Variants in ANKLE2 observed in about 807,000 individuals in gnomAD.
ANKLE2 encodes the protein ankyrin repeat and LEM domain-containing protein 2.
In ANKLE2, 55 loss-of-function variants were observed where a neutral mutation model predicts 84.2. The ratio of observed to expected loss-of-function variants is 0.65; its 90% CI spans 0.53 to 0.82. The LOEUF (loss-of-function observed/expected upper bound fraction) is 0.82, where lower values mean the gene tolerates loss of function less well. Ranked by LOEUF, ANKLE2 falls within the 40% of genes least tolerant of loss-of-function variation. The pLI, the probability that ANKLE2 is intolerant of heterozygous loss-of-function variation, is 0.00. For synonymous variants in ANKLE2, 551 were observed against 486.1 expected, an observed-to-expected ratio of 1.13 and a Z score of -1.76; for missense variants, 1,238 against 1,201.9, an observed-to-expected ratio of 1.03 and a Z score of -0.44.
Position 132,729,738 on chromosome 12 carries a change from G to A in ANKLE2, c.2424C>T (p.Pro808=). ...TGACCTCGAGCTGATCCTCGTGCCT[G>A]GGGCTGCTGGGACTCAAGGACATTT... The part of the protein sequence containing the change: ...IAKMSLSPSS[P]RHEDQLEVTR... Residue 808 remains proline, a synonymous_variant, in exon 11 of 13, where the codon CCC becomes CCT. Transcript: ENST00000357997. The A allele has an allele frequency of 6.2e-7, 1 of 1,611,296 alleles. No homozygotes were observed. The highest frequency in any genetic ancestry group is 8.5e-7 in the Non-Finnish European group (1 of 1,179,448).
intron 2 of ANKLE2, among the ~76,000 whole-genome samples, chr12:132,751,654 C>T (rs953850572): frequency 6.6e-6 from 1 of 151,862 alleles, no homozygotes; most frequent in Non-Finnish European, 1.5e-5. Context: ...GCGATTCTCC[C>T]GTCTCAGCCT....
chr12:132,735,267 G>A, intron 9 of ANKLE2, 139 bp downstream of exon 9: 1 of 776,260 alleles, frequency 1.3e-6, no homozygotes, highest in Middle Eastern at 3.0e-4. Flanking sequence ...CAAGGAATTA[G>A]ACCTTCACGA....
At chr12:132,751,541 G>A (rs1220545656) in intron 2 of ANKLE2, among the ~76,000 whole-genome samples, 1 of 151,684 alleles carries the variant, frequency 6.6e-6, no homozygotes, top group Non-Finnish European at 1.5e-5. Context: ...GCGCCCAGCC[G>A]GGAATGGCTG....
At chr12:132,758,417 T>G (rs2044529754) in intron 1 of ANKLE2, 1 of 151,720 alleles carries the variant, frequency 6.6e-6, no homozygotes, top group Non-Finnish European at 1.5e-5. Flanking sequence ...CCCGCGGACG[T>G]CGCATTGAAA....
At chr12:132,754,630 G>A (rs1370128409) in intron 2 of ANKLE2, 45 bp downstream of exon 2, 15 of 1,528,800 alleles carry the variant, frequency 9.8e-6, no homozygotes, top group South Asian at 2.5e-5. Context: ...GCCCCTCCGC[G>A]TATGTGCTAT....
intron 12 of ANKLE2, 135 bp from the exon 13 acceptor site, chr12:132,727,578 G>A (rs1217714782): frequency 1.9e-5 from 14 of 742,008 alleles, no homozygotes; most frequent in Non-Finnish European, 2.7e-5. Flanking sequence ...CCCTGGCACC[G>A]CGGGCACACA....
At position 132,743,966 on chromosome 12, in the gene ANKLE2, G is replaced by A. The variant is rs1023178071; in HGVS notation, c.1231-690C>T. On this transcript the variant is annotated intron_variant, in intron 5 of 12. Coordinates refer to ENST00000357997, the MANE Select transcript of ANKLE2 (RefSeq NM_015114.3). The surrounding 1 kb of genome is among the most constrained non-coding windows in gnomAD (Gnocchi z 4.1). ...GTACTCAAAGAAGTCTCTGCGGCCT[G>A]TGACACCACAGTAAACGAAATTTTT... Among the ~76,000 whole-genome samples, 6 of 152,218 alleles carry A rather than the reference G, an allele frequency of 3.9e-5. No homozygotes were observed. Among genetic ancestry groups the A allele is most frequent in the African/African-American group, 1.2e-4 (5 of 41,448 alleles).
rs563000173 is a variant in ANKLE2, at chr12:132,749,495, C to T, written c.847+1148G>A. Among the ~76,000 whole-genome samples the T allele has an allele frequency of 3.0e-4, 46 of 152,284 alleles. 1 individual carries two copies. In the South Asian group the frequency reaches 3.5e-3, roughly 12 times the overall value. On this transcript the variant is annotated intron_variant, in intron 3 of 12. Transcript: ENST00000357997. Reference sequence around the variant, plus strand: ...AGGTGATTTCCTTCTGAGGAATCCTCACAAATTGCAAAGAAGGAAATCCGT... The same window carrying T: ...AGGTGATTTCCTTCTGAGGAATCCTTACAAATTGCAAAGAAGGAAATCCGT...
In ANKLE2 at chr12:132,747,980, T is replaced by C. The variant is rs901973514; in HGVS notation, c.1082A>G (p.Glu361Gly). 5 of 1,597,360 alleles carry C rather than the reference T, an allele frequency of 3.1e-6. No homozygotes were observed. The African/African-American group carries it at 6.8e-5, about 22-fold the overall frequency. The change falls in exon 5 of 13, where the codon GAG (glutamate) becomes GGG (glycine). Residue 361 changes from glutamate (E) to glycine (G), a missense_variant. Glu to Gly is a moderately conservative substitution (Grantham distance 98). Transcript: ENST00000357997. Reference sequence around the variant, plus strand: ...CAGCTGGCAGATGGAAGCCTGGTTCTCTTTGGCAGCAACATGCATCACGTT... The same window carrying C: ...CAGCTGGCAGATGGAAGCCTGGTTCCCTTTGGCAGCAACATGCATCACGTT... ...RYNVMHVAAK[E>G]NQASICQLTL...
chr12:132,740,287 A>T (rs7313747), intron 7 of ANKLE2, among the ~76,000 whole-genome samples: 2,581 of 152,298 alleles, frequency 0.017, 40 homozygotes, highest in South Asian at 0.031. Flanking sequence ...TTAATAAATT[A>T]TACCTAGGAC....
intron 10 of ANKLE2, among the ~76,000 whole-genome samples, chr12:132,733,790 C>T (rs1012886297): frequency 1.3e-5 from 2 of 152,146 alleles, no homozygotes; most frequent in African/African-American, 4.8e-5. Flanking sequence ...GATGTGCACT[C>T]GTCTTTTTCC....
At chr12:132,731,074 G>T (rs1335384358) in intron 10 of ANKLE2, 3 of 152,264 alleles carry the variant, frequency 2.0e-5, no homozygotes, top group Non-Finnish European at 4.4e-5. Context: ...CCCGGGCGCA[G>T]CACTGTGCGA....
chr12:132,735,949 G>C (rs1032427970), intron 8 of ANKLE2, among the ~76,000 whole-genome samples: 1 of 152,072 alleles, frequency 6.6e-6, no homozygotes, highest in African/African-American at 2.4e-5. Flanking sequence ...TAATTTTGGG[G>C]CCATTTTCTT....
intron 2 of ANKLE2, among the ~76,000 whole-genome samples, chr12:132,752,679 C>G (rs1593177925): frequency 1.3e-5 from 2 of 152,044 alleles, no homozygotes; most frequent in East Asian, 3.9e-4. Flanking sequence ...CCTACGTATT[C>G]TTTAAAAAGA....
intron 7 of ANKLE2, 120 bp downstream of exon 7, chr12:132,741,299 C>A: frequency 1.0e-6 from 1 of 957,376 alleles, no homozygotes; most frequent in Non-Finnish European, 1.6e-6. Flanking sequence ...GAGAGGCTTC[C>A]GAGGGGAGCC....
chr12:132,741,774 G>A (rs927953759), intron 6 of ANKLE2: 22 of 551,582 alleles, frequency 4.0e-5, no homozygotes, highest in South Asian at 6.1e-5. Context: ...CCAGCGCATC[G>A]AGTAAAAGCA....
At position 132,761,776 on chromosome 12, in the gene ANKLE2, G is replaced by A. The variant is rs986142623; in HGVS notation, c.23C>T (p.Ala8Val). The change falls in exon 1 of 13, where the codon GCG becomes GTG. Residue 8 changes from alanine (A) to valine (V), a missense_variant. By Grantham distance (64) the Ala-to-Val change is moderately conservative (BLOSUM62 0). Transcript: ENST00000357997. MLWPRLA[A>V]AEWAALAWEL... ...CCAGGCCAGCGCCGCCCACTCGGCC[G>A]CCGCCAGCCGCGGCCACAGCATCGC... The A allele has an allele frequency of 1.2e-5, 14 of 1,157,428 alleles. No homozygotes were observed. In the Admixed American group the frequency reaches 3.4e-4, roughly 28 times the overall value. 71.7% of individuals were successfully genotyped at this position (1,157,428 alleles called of 1,614,324 possible).
At chr12:132,760,099 A>G (rs985969059) in intron 1 of ANKLE2, 1 of 141,544 alleles carries the variant, frequency 7.1e-6, no homozygotes, top group Admixed American at 7.7e-5. Context: ...GCGCCACTGC[A>G]CTCCAGCCTG....
chr12:132,740,829 A>G (rs11147039), intron 7 of ANKLE2, among the ~76,000 whole-genome samples: 3 of 144,068 alleles, frequency 2.1e-5, no homozygotes, highest in Admixed American at 6.9e-5. Flanking sequence ...CCTCTCTCCC[A>G]GAGGCGAGTG....
Sources: gnomAD v4.1 joint callset for allele counts (sites outside exome capture counted in the v4.1 genomes callset) on GRCh38, gnomAD v4.1.1 for gene constraint, Gnocchi (gnomAD v3.1) non-coding constraint, MANE v1.5 for transcripts, NCBI Gene and HGNC (gene_info 2026-07-23, HGNC 2026-07-21) for gene names.